GDF11: variants seen among roughly 807,000 people sequenced by gnomAD.
GDF11 encodes growth differentiation factor 11, also known as growth/differentiation factor 11.
Under a neutral mutation model 34.4 loss-of-function variants are expected in GDF11, and 12 were observed. That is an observed-to-expected ratio of 0.35 (90% CI 0.22 to 0.57). The LOEUF (loss-of-function observed/expected upper bound fraction) is 0.57, where lower values mean the gene tolerates loss of function less well. GDF11 is among the 20% of genes least tolerant of loss of function. GDF11 has a pLI of 0.86. For synonymous variants in GDF11, 212 were observed against 231.1 expected (o/e 0.92, Z 0.75); for missense variants, 346 against 548.2 (o/e 0.63, Z 3.68).
intron 1 of GDF11, among the ~76,000 whole-genome samples, chr12:55,745,574 G>C (rs2136165724): frequency 6.6e-6 from 1 of 151,458 alleles, no homozygotes; most frequent in Admixed American, 6.6e-5. Flanking sequence ...TCTTAAGAGA[G>C]GGAGGGGGAG....
rs747290113 is a variant in GDF11 at position 55,743,782 on chromosome 12, G to A, written c.445+21G>A. The A allele has an allele frequency of 8.6e-6, 13 of 1,505,090 alleles. No homozygotes were observed. In the Admixed American group the frequency reaches 9.8e-5, roughly 11 times the overall value. 93.2% of individuals were successfully genotyped at this position (1,505,090 alleles called of 1,614,324 possible). A position where few individuals can be genotyped will look rare whatever the true frequency, so the allele number is the denominator to read the frequency against. ...GGAGAGTAAGTGGGCTGCGGGGCGC[G>A]AGCAGTGGGGTGCTGGCTCTGGCCC... On this transcript the variant is annotated intron_variant, in intron 1 of 2. Transcript: ENST00000257868.
chr12:55,751,681 C>T lies in GDF11; in HGVS notation c.*1799C>T, dbSNP rs1878326660. 1 of 152,196 alleles carries T rather than the reference C, an allele frequency of 6.6e-6. No individual in the cohort carries two copies. Among genetic ancestry groups the T allele is most frequent in the African/African-American group, 2.4e-5 (1 of 41,438 alleles). 9.4% of individuals were successfully genotyped at this position (152,196 alleles called of 1,614,324 possible). On this transcript the variant is annotated 3_prime_UTR_variant, in exon 3 of 3. Coordinates refer to ENST00000257868, the MANE Select transcript of GDF11 (RefSeq NM_005811.5). ...AAGGAGTTGAGAATCTCCTGATCCA[C>T]ACCCTATCCTTACTTCACCACCAGG...
At chr12:55,747,470 AG>A (rs1159127818) in intron 1 of GDF11, among the ~76,000 whole-genome samples, 1 of 152,152 alleles carries the variant, frequency 6.6e-6, no homozygotes, top group Non-Finnish European at 1.5e-5. Context: ...GGATACTTAA[AG>A]GCCTAGACTT....
In GDF11 at chr12:55,748,537, C is replaced by T. The variant is rs764072303; in HGVS notation, c.446-49C>T. On this transcript the variant is annotated intron_variant, in intron 1 of 2. Transcript: ENST00000257868. The surrounding 1 kb of genome is among the most constrained non-coding windows in gnomAD (Gnocchi z 5.6). ...GCCAGTGCCACCCAGGACTACTGAT[C>T]CCCTACACAAACACCCTTTGCTGAT... The T allele has an allele frequency of 5.9e-6, 9 of 1,534,530 alleles. No individual in the cohort carries two copies. The East Asian group carries it at 1.6e-4, about 27-fold the overall frequency.
rs1878490014 is a variant in GDF11, at chr12:55,755,814, A to C, written c.*5932A>C. On this transcript the variant is annotated 3_prime_UTR_variant, in exon 3 of 3. Transcript: ENST00000257868. ...AAGAAAAAAAAAAAAATCCTCACAA[A>C]TTGGAAAACACTGTTCAAAGATCTA... 6.6e-6 allele frequency: 1 copy of C among 152,112 alleles called. No individual in the cohort carries two copies. The allele number at this position is 152,112 out of a possible 1,614,324, so 9.4% of individuals were successfully genotyped here. A position where few individuals can be genotyped will look rare whatever the true frequency, so the allele number is the denominator to read the frequency against.
rs1286282003 is a variant in GDF11 at position 55,752,144 on chromosome 12, G to GC, written c.*2264dup. On this transcript the variant is annotated 3_prime_UTR_variant, in exon 3 of 3. Coordinates refer to ENST00000257868, the MANE Select transcript of GDF11 (RefSeq NM_005811.5). ...AATCCTGAAGGACAAGACACACCCG[G>GC]CCATCAACACCACTCACATTTCCTT... The GC allele has an allele frequency of 2.0e-5, 3 of 152,110 alleles. No individual in the cohort carries two copies. Among genetic ancestry groups the GC allele is most frequent in the Non-Finnish European group, 2.9e-5 (2 of 68,062 alleles). 9.4% of individuals were successfully genotyped at this position (152,110 alleles called of 1,614,324 possible). A position where few individuals can be genotyped will look rare whatever the true frequency, so the allele number is the denominator to read the frequency against.
chr12:55,743,783 A>C (rs1371988668), intron 1 of GDF11, 22 bp downstream of exon 1: 1 of 1,505,222 alleles, frequency 6.6e-7, no homozygotes, highest in Middle Eastern at 1.9e-4. Flanking sequence ...GCGGGGCGCG[A>C]GCAGTGGGGT....
intron 1 of GDF11, among the ~76,000 whole-genome samples, chr12:55,746,405 C>T (rs1242446140): frequency 6.6e-6 from 1 of 152,222 alleles, no homozygotes; most frequent in Non-Finnish European, 1.5e-5. Flanking sequence ...CATCTTTCCA[C>T]TCTAACTTCT....
At position 55,753,258 on chromosome 12, in the gene GDF11, T is replaced by G. The variant is rs1444904711; in HGVS notation, c.*3376T>G. On this transcript the variant is annotated 3_prime_UTR_variant, in exon 3 of 3. Transcript: ENST00000257868. ...TGATCCAGCTAGTGTCCTATTCTCC[T>G]GCAGTCCCTGTTCCTAGGTTTCCTC... The G allele has an allele frequency of 1.3e-5, 2 of 152,218 alleles. No individual in the cohort carries two copies. The highest frequency in any genetic ancestry group is 4.8e-5 in the African/African-American group (2 of 41,426). The allele number at this position is 152,218 out of a possible 1,614,324, so 9.4% of individuals were successfully genotyped here.
Position 55,750,450 on chromosome 12 carries a change from ATTTT to A in GDF11, c.*570_*573del, listed in dbSNP as rs2136168454. ...AGGGCAGGGGCAAAAAGATTTGGGA[ATTTT>A]TATTTATTTATTTATTGTGACTTTT... On this transcript the variant is annotated 3_prime_UTR_variant, in exon 3 of 3. Transcript: ENST00000257868. The A allele has an allele frequency of 6.6e-6, 1 of 152,302 alleles. No individual in the cohort carries two copies. Among genetic ancestry groups the A allele is most frequent in the Non-Finnish European group, 1.5e-5 (1 of 68,062 alleles). 9.4% of individuals were successfully genotyped at this position (152,302 alleles called of 1,614,324 possible).
intron 1 of GDF11, among the ~76,000 whole-genome samples, chr12:55,747,000 T>C (rs564093732): frequency 3.9e-5 from 6 of 152,224 alleles, no homozygotes; most frequent in Admixed American, 1.3e-4. Context: ...GCACTGAAGC[T>C]ACAATGGTGA....
Position 55,743,494 on chromosome 12 carries a change from G to A in GDF11, c.178G>A (p.Asp60Asn). ...AGCCCCGTCCGTGGCGCCCGAGCCGGACGGCTGCCCCGTGTGCGTTTGGCG... is the reference window on the plus strand; with the variant it reads ...AGCCCCGTCCGTGGCGCCCGAGCCGAACGGCTGCCCCGTGTGCGTTTGGCG... ...RPAPSVAPEPDGCPVCVWRQH... is the reference protein window; with the variant it reads ...RPAPSVAPEPNGCPVCVWRQH... Residue 60 changes from aspartate (D) to asparagine (N), a missense_variant, in exon 1 of 3, where the codon GAC becomes AAC. Around this residue, in one of 3 missense-constraint regions of GDF11, gnomAD observed 141 missense variants for 213.8 expected, o/e 0.66. Transcript: ENST00000257868. The A allele has an allele frequency of 1.3e-6, 2 of 1,549,492 alleles. No homozygotes were observed. Among genetic ancestry groups the A allele is most frequent in the Non-Finnish European group, 1.7e-6 (2 of 1,152,296 alleles).
rs1207904963 is a variant in GDF11 at position 55,750,408 on chromosome 12, CAGGGGA to C, written c.*535_*540del. 3.3e-5 allele frequency: 5 copies of C among 152,580 alleles called. No homozygotes were observed. Among genetic ancestry groups the C allele is most frequent in the Admixed American group, 6.5e-5 (1 of 15,288 alleles). 9.5% of individuals were successfully genotyped at this position (152,580 alleles called of 1,614,324 possible). A position where few individuals can be genotyped will look rare whatever the true frequency, so the allele number is the denominator to read the frequency against. ...CTCCTTCTCTCCCTCCAACAGTGGC[CAGGGGA>C]AGGGGAAGTGAGGGCAGGGGCAAAA... On this transcript the variant is annotated 3_prime_UTR_variant, in exon 3 of 3. Coordinates refer to ENST00000257868, the MANE Select transcript of GDF11 (RefSeq NM_005811.5).
At chr12:55,747,832 G>A (rs1172146194) in intron 1 of GDF11, among the ~76,000 whole-genome samples, 5 of 152,166 alleles carry the variant, frequency 3.3e-5, no homozygotes, top group African/African-American at 1.2e-4. Flanking sequence ...ATTATTTCTG[G>A]TGCTTTAGGC....
intron 1 of GDF11, among the ~76,000 whole-genome samples, chr12:55,744,631 C>A (rs1878140516): frequency 6.6e-6 from 1 of 152,004 alleles, no homozygotes; most frequent in Admixed American, 6.5e-5. Context: ...AAAATCCAGG[C>A]GAATACTACA....
At position 55,756,200 on chromosome 12, in the gene GDF11, T is replaced by G. The variant is rs1432261789; in HGVS notation, c.*6318T>G. On this transcript the variant is annotated 3_prime_UTR_variant, in exon 3 of 3. Coordinates refer to ENST00000257868, the MANE Select transcript of GDF11 (RefSeq NM_005811.5). ...AGGGAAAAGGGAAGGTCATTCCAAT[T>G]TTAAGGTTTATTTGGTTGAAGAGGT... The G allele has an allele frequency of 6.6e-6, 1 of 152,150 alleles. No individual in the cohort carries two copies. Among genetic ancestry groups the G allele is most frequent in the Non-Finnish European group, 1.5e-5 (1 of 68,022 alleles). 9.4% of individuals were successfully genotyped at this position (152,150 alleles called of 1,614,324 possible).
Position 55,748,455 on chromosome 12 carries a change from T to C in GDF11, c.446-131T>C, listed in dbSNP as rs1878230040. 1 of 759,552 alleles carries C rather than the reference T, an allele frequency of 1.3e-6. No homozygotes were observed. The highest frequency in any genetic ancestry group is 2.2e-6 in the Non-Finnish European group (1 of 457,736). 47.1% of individuals were successfully genotyped at this position (759,552 alleles called of 1,614,324 possible). On this transcript the variant is annotated intron_variant, in intron 1 of 2. Coordinates refer to ENST00000257868, the MANE Select transcript of GDF11 (RefSeq NM_005811.5). This position sits in a 1 kb window ranked among gnomAD's most constrained non-coding sequence, Gnocchi z 5.6. ...TAGGTACCGGAGACATGGTATAAGA[T>C]AGGCATGGGAGAAGGGTAAAGAAGA...
rs1878266137 is a variant in GDF11, at chr12:55,749,843, G to C, written c.1185G>C (p.Lys395Asn). Residue 395 changes from lysine (K) to asparagine (N), a missense_variant, in exon 3 of 3, where the codon AAG becomes AAC. Physicochemically the swap from Lys to Asn is moderately conservative, Grantham distance 94. This residue lies in a region of GDF11 where 205 missense variants were observed against 311.3 expected (regional missense o/e 0.66). Coordinates refer to ENST00000257868, the MANE Select transcript of GDF11 (RefSeq NM_005811.5). The surrounding 1 kb of genome is among the most constrained non-coding windows in gnomAD (Gnocchi z 5.6). ...FNDKQQIIYG[K>N]IPGMVVDRCG... ...ACAAGCAGCAGATTATCTACGGCAA[G>C]ATCCCTGGCATGGTGGTGGATCGCT... 1.9e-6 allele frequency: 3 copies of C among 1,613,894 alleles called. No homozygotes were observed. The highest frequency in any genetic ancestry group is 1.3e-5 in the African/African-American group (1 of 74,856).
chr12:55,746,629 G>C (rs1249345446), intron 1 of GDF11, among the ~76,000 whole-genome samples: 1 of 152,208 alleles, frequency 6.6e-6, no homozygotes, highest in Non-Finnish European at 1.5e-5. Context: ...TCAAACCCTG[G>C]ATCAGCTTAG....
Sources: gnomAD v4.1 joint callset for allele counts (sites outside exome capture counted in the v4.1 genomes callset) on GRCh38, gnomAD v4.1.1 for gene constraint, gnomAD v4.1.1 regional missense constraint, Gnocchi (gnomAD v3.1) non-coding constraint, MANE v1.5 for transcripts, NCBI Gene and HGNC (gene_info 2026-07-23, HGNC 2026-07-21) for gene names.